PEPD: variants seen among roughly 807,000 people sequenced by gnomAD.
PEPD encodes the protein peptidase D.
A neutral mutation model predicts 60.7 loss-of-function variants in PEPD; 53 were observed. The observed-to-expected ratio is 0.87, with a 90% CI of 0.70 to 1.10. The LOEUF is 1.10. Ranked by LOEUF, PEPD falls within the 50% of genes least tolerant of loss-of-function variation. The pLI is 0.00. For synonymous variants in PEPD, 267 were observed against 284.1 expected (o/e 0.94, Z 0.60); for missense variants, 711 against 711.9 (o/e 1.00, Z 0.01).
intron 9 of PEPD, among the ~76,000 whole-genome samples, chr19:33,433,703 T>A (rs1271746694): frequency 6.6e-6 from 1 of 152,244 alleles, no homozygotes; most frequent in Non-Finnish European, 1.5e-5. Context: ...AAATTGCATT[T>A]AACTTTTCAT....
chr19:33,428,597 T>C (rs575433074), intron 9 of PEPD, among the ~76,000 whole-genome samples: 71 of 152,208 alleles, frequency 4.7e-4, no homozygotes, highest in African/African-American at 1.6e-3. Context: ...CTGACGCCCC[T>C]CTCCAGAAAT....
chr19:33,445,527 G>A (rs1316166209), intron 9 of PEPD, among the ~76,000 whole-genome samples: 1 of 152,212 alleles, frequency 6.6e-6, no homozygotes, highest in Non-Finnish European at 1.5e-5. Context: ...TGCACACAGA[G>A]GAAAGGCCGC....
chr19:33,434,389 G>A (rs370788371), intron 9 of PEPD, among the ~76,000 whole-genome samples: 14 of 152,236 alleles, frequency 9.2e-5, no homozygotes, highest in African/African-American at 2.6e-4. Context: ...GCTGTGTAAC[G>A]GCGATGGTTC....
chr19:33,505,889 A>G (rs1396101779), intron 3 of PEPD, among the ~76,000 whole-genome samples: 2 of 128,086 alleles, frequency 1.6e-5, no homozygotes, highest in Non-Finnish European at 3.6e-5. Context: ...CACCCTACAC[A>G]CTACTTACAC....
At chr19:33,498,399 G>GGCCT (rs1487393713) in intron 4 of PEPD, among the ~76,000 whole-genome samples, 1 of 152,174 alleles carries the variant, frequency 6.6e-6, no homozygotes, top group East Asian at 1.9e-4. Flanking sequence ...CACTCAAGGT[G>GGCCT]GCCTGTCTCT....
At chr19:33,514,607 G>A (rs565991000) in intron 1 of PEPD, among the ~76,000 whole-genome samples, 54 of 151,938 alleles carry the variant, frequency 3.6e-4, no homozygotes, top group Middle Eastern at 3.4e-3. Flanking sequence ...CAGCATGCAC[G>A]CTGCCTCCTG....
chr19:33,404,141 C>T (rs1049233161), intron 11 of PEPD, among the ~76,000 whole-genome samples: 1 of 152,194 alleles, frequency 6.6e-6, no homozygotes, highest in Admixed American at 6.5e-5. Flanking sequence ...GTTTTTCCAT[C>T]TGTAAAATGG....
intron 1 of PEPD, among the ~76,000 whole-genome samples, chr19:33,519,329 C>A (rs967957233): frequency 6.6e-6 from 1 of 152,216 alleles, no homozygotes; most frequent in African/African-American, 2.4e-5. Flanking sequence ...TAGTTTAGGG[C>A]TTCCCCTACT....
chr19:33,387,406 C>CT lies in PEPD; in HGVS notation c.1419dup (p.Glu474ArgfsTer3), dbSNP rs751844685. 1 of 1,614,124 alleles carries CT rather than the reference C, an allele frequency of 6.2e-7. No individual in the cohort carries two copies. Among genetic ancestry groups the CT allele is most frequent in the Non-Finnish European group, 8.5e-7 (1 of 1,180,056 alleles). Reference sequence around the variant, plus strand: ...CAGCCTGCCATGCATGCTTCAATCTCTTCCACAGTGCGGGGCACGCAGGTC... The same window carrying CT: ...CAGCCTGCCATGCATGCTTCAATCTCTTTCCACAGTGCGGGGCACGCAGGTC... On this transcript the variant is annotated frameshift_variant, in exon 15 of 15. Transcript: ENST00000244137. LOFTEE classifies it high-confidence loss of function.
chr19:33,442,158 G>A (rs1030904830), intron 9 of PEPD, among the ~76,000 whole-genome samples: 2 of 152,222 alleles, frequency 1.3e-5, no homozygotes, highest in South Asian at 2.1e-4. Flanking sequence ...CAGCACTTTA[G>A]GAGGCCGAGG....
intron 6 of PEPD, among the ~76,000 whole-genome samples, chr19:33,481,119 C>G (rs2145302728): frequency 6.6e-6 from 1 of 152,042 alleles, no homozygotes. Flanking sequence ...ACGTATCAAA[C>G]CTTACAAAGG....
At chr19:33,415,152 G>C (rs949597218) in intron 9 of PEPD, among the ~76,000 whole-genome samples, 6 of 152,188 alleles carry the variant, frequency 3.9e-5, no homozygotes, top group African/African-American at 2.4e-5. Context: ...CCACGCCGTG[G>C]AACAGGGGTG....
At chr19:33,465,263 T>C (rs1276987693) in intron 7 of PEPD, among the ~76,000 whole-genome samples, 1 of 152,140 alleles carries the variant, frequency 6.6e-6, no homozygotes, top group East Asian at 1.9e-4. Context: ...AGGTAGGACA[T>C]CTTGATTCTC....
intron 12 of PEPD, chr19:33,395,085 G>C (rs895367237): frequency 5.3e-5 from 8 of 152,346 alleles, no homozygotes; most frequent in African/African-American, 1.9e-4. Flanking sequence ...CAAGGCCACG[G>C]GTCCCAAGAA....
chr19:33,416,275 A>T (rs1332409546), intron 9 of PEPD, among the ~76,000 whole-genome samples: 1 of 152,164 alleles, frequency 6.6e-6, no homozygotes, highest in East Asian at 1.9e-4. Context: ...CCGACATGCC[A>T]TGGCAGTGGC....
At chr19:33,436,342 C>CCCCA (rs985586458) in intron 9 of PEPD, among the ~76,000 whole-genome samples, 2 of 152,166 alleles carry the variant, frequency 1.3e-5, no homozygotes, top group African/African-American at 4.8e-5. Context: ...TCCCAGCAGG[C>CCCCA]CCCATGCCCT....
chr19:33,435,227 G>C (rs1969351842), intron 9 of PEPD, among the ~76,000 whole-genome samples: 3 of 152,218 alleles, frequency 2.0e-5, no homozygotes, highest in African/African-American at 4.8e-5. Flanking sequence ...CAAACCCAAA[G>C]GCCCCTCGGC....
intron 9 of PEPD, among the ~76,000 whole-genome samples, chr19:33,442,529 T>G (rs1389269900): frequency 7.3e-6 from 1 of 137,700 alleles, no homozygotes. Flanking sequence ...TGAAAACCCA[T>G]CTCTACTAAA....
intron 6 of PEPD, among the ~76,000 whole-genome samples, chr19:33,484,519 G>C (rs1023121913): frequency 2.0e-5 from 3 of 152,018 alleles, no homozygotes; most frequent in Admixed American, 6.6e-5. Flanking sequence ...TGCACAACAG[G>C]GGCATGCTCG....
Sources: allele counts gnomAD v4.1 joint callset (sites outside exome capture counted in the v4.1 genomes callset), GRCh38; gene constraint gnomAD v4.1.1; transcripts MANE v1.5; gene names NCBI Gene and HGNC (gene_info 2026-07-23, HGNC 2026-07-21).